Variants in PCDHA3 observed in about 807,000 individuals in gnomAD.
PCDHA3 encodes protocadherin alpha-3.
In PCDHA3, 41 loss-of-function variants were observed where a neutral mutation model predicts 62.2. That is an observed-to-expected ratio of 0.66 (90% confidence interval 0.51 to 0.86). PCDHA3 has a LOEUF of 0.86. Ranked by LOEUF, PCDHA3 falls within the 40% of genes least tolerant of loss-of-function variation. The probability of loss-of-function intolerance (pLI) is 0.00; values close to 1 mark genes in which losing one functional copy is unlikely to be tolerated. For missense variants in PCDHA3, 1,304 were observed against 1,241.2 expected, an observed-to-expected ratio of 1.05 and a Z score of -0.76; for synonymous variants, 640 against 555.4, an observed-to-expected ratio of 1.15 and a Z score of -2.14.
At chr5:140,843,404 G>C (rs2150359308) in intron 1 of PCDHA3, 2 of 1,596,130 alleles carry the variant, frequency 1.3e-6, no homozygotes, top group Admixed American at 3.4e-5. Context: ...GGCGCTGGTG[G>C]ATGTCAACGT....
rs535420158 is a variant in PCDHA3, at chr5:140,966,438, T to TC, written c.2395-12508dup. Reference sequence around the variant, plus strand: ...AGGACTTGCTGAGCCCTCCTACCGCTCCCTTTCCCCCTCCCCCTCTGTCTT... The same window carrying TC: ...AGGACTTGCTGAGCCCTCCTACCGCTCCCCTTTCCCCCTCCCCCTCTGTCTT... On this transcript the variant is annotated intron_variant, in intron 1 of 3. Transcript: ENST00000522353. 1.4e-5 allele frequency: 6 copies of TC among 422,688 alleles called. No homozygotes were observed. The East Asian group carries it at 1.4e-4, about 10-fold the overall frequency. 26.2% of individuals were successfully genotyped at this position (422,688 alleles called of 1,614,324 possible).
At chr5:140,910,276 A>G (rs1461426502) in intron 1 of PCDHA3, among the ~76,000 whole-genome samples, 2 of 152,124 alleles carry the variant, frequency 1.3e-5, no homozygotes, top group African/African-American at 4.8e-5. Flanking sequence ...ACTTCTAGGA[A>G]CACCATGATT....
chr5:140,967,287 A>G (rs1458692984), intron 1 of PCDHA3: 1 of 1,612,826 alleles, frequency 6.2e-7, no homozygotes, highest in Non-Finnish European at 8.5e-7. Flanking sequence ...AGTGCGCAGG[A>G]CCCCGACGTG....
At chr5:140,810,286 T>C (rs574497208) in intron 1 of PCDHA3, 28 of 152,374 alleles carry the variant, frequency 1.8e-4, no homozygotes, top group African/African-American at 6.0e-4. Flanking sequence ...AATAATGCCA[T>C]CATAAATATA....
In PCDHA3 at chr5:140,823,360, C is replaced by T. The variant is rs1470640408; in HGVS notation, c.2394+19769C>T. 9.9e-6 allele frequency: 16 copies of T among 1,612,570 alleles called. No homozygotes were observed. The African/African-American group carries it at 1.7e-4, about 17-fold the overall frequency. The stretch of plus-strand genomic sequence containing the variant: ...GCCGCTGGACCACGAGGAAGTGGAG[C>T]TGCTGCAGTTCCAGGTGAGCGCGCG... On this transcript the variant is annotated intron_variant, in intron 1 of 3. Coordinates refer to ENST00000522353, the MANE Select transcript of PCDHA3 (RefSeq NM_018906.3).
intron 1 of PCDHA3, among the ~76,000 whole-genome samples, chr5:140,832,446 A>G (rs2150201698): frequency 1.3e-5 from 2 of 152,202 alleles, no homozygotes; most frequent in Non-Finnish European, 2.9e-5. Flanking sequence ...TAAGCGTGTA[A>G]TTAATATTGC....
intron 1 of PCDHA3, among the ~76,000 whole-genome samples, chr5:140,899,991 G>C (rs2067668603): frequency 6.6e-6 from 1 of 151,712 alleles, no homozygotes; most frequent in African/African-American, 2.4e-5. Context: ...GATTTTTTTT[G>C]TAGAGATGAG....
At chr5:140,842,962 C>G (rs1554139576) in intron 1 of PCDHA3, 1 of 1,594,950 alleles carries the variant, frequency 6.3e-7, no homozygotes, top group African/African-American at 1.3e-5. Context: ...CTCTGGGCAG[C>G]AACGTGACGC....
intron 1 of PCDHA3, among the ~76,000 whole-genome samples, chr5:140,908,736 A>G (rs2074127705): frequency 6.6e-6 from 1 of 152,180 alleles, no homozygotes; most frequent in African/African-American, 2.4e-5. Flanking sequence ...GGCTCGAGAA[A>G]CAGAGCAACT....
At chr5:140,820,300 A>G (rs2150106496) in intron 1 of PCDHA3, among the ~76,000 whole-genome samples, 151,637 of 152,098 alleles carry the variant, frequency 1, 75,590 homozygotes, top group East Asian at 1. Context: ...AAACAATTCT[A>G]TGACAATATC....
chr5:140,819,435 T>A (rs2150104218), intron 1 of PCDHA3, among the ~76,000 whole-genome samples: 1 of 152,270 alleles, frequency 6.6e-6, no homozygotes, highest in South Asian at 2.1e-4. Context: ...CAGTTTTAAA[T>A]CTAAATTTTT....
At chr5:140,942,364 A>AT (rs1401660324) in intron 1 of PCDHA3, among the ~76,000 whole-genome samples, 1 of 152,040 alleles carries the variant, frequency 6.6e-6, no homozygotes, top group Non-Finnish European at 1.5e-5. Context: ...GTTAACGGAG[A>AT]TTGCACCACT....
chr5:140,870,242 T>A (rs1554163936), intron 1 of PCDHA3: 1 of 1,614,142 alleles, frequency 6.2e-7, no homozygotes, highest in East Asian at 2.2e-5. Flanking sequence ...GACTCAGGTG[T>A]CAACGGACAG....
chr5:140,967,740 A>G, intron 1 of PCDHA3: 6 of 1,614,170 alleles, frequency 3.7e-6, no homozygotes, highest in Non-Finnish European at 5.1e-6. Flanking sequence ...GGGCTGGATT[A>G]TGAGGAAGCC....
chr5:140,890,646 C>A (rs1332050034), intron 1 of PCDHA3, among the ~76,000 whole-genome samples: 4 of 152,082 alleles, frequency 2.6e-5, no homozygotes, highest in African/African-American at 9.7e-5. Flanking sequence ...CTTGATATAT[C>A]AAAATCAAAA....
intron 1 of PCDHA3, among the ~76,000 whole-genome samples, chr5:140,919,535 ACTTTT>A (rs1310340464): frequency 1.3e-5 from 2 of 151,732 alleles, no homozygotes; most frequent in Non-Finnish European, 2.9e-5. Flanking sequence ...TTTTTCCTAT[ACTTTT>A]CATTTACTGA....
chr5:140,801,148 T>C lies in PCDHA3; in HGVS notation c.-50T>C. On this transcript the variant is annotated 5_prime_UTR_variant, in exon 1 of 4. The change abolishes the stop of an existing upstream ORF in the 5' untranslated region. Transcript: ENST00000522353. ...GAAGATAAGGAACTCGAATTATTTT[T>C]AAACTTTGGATCAATGTAAAGGCAA... 1.3e-6 allele frequency: 2 copies of C among 1,529,694 alleles called. 1 individual carries two copies. Among genetic ancestry groups the C allele is most frequent in the Non-Finnish European group, 1.8e-6 (2 of 1,142,296 alleles). The allele number at this position is 1,529,694 out of a possible 1,614,324, so 94.8% of individuals were successfully genotyped here. A position where few individuals can be genotyped will look rare whatever the true frequency, so the allele number is the denominator to read the frequency against.
chr5:140,893,294 T>C (rs539821362), intron 1 of PCDHA3, among the ~76,000 whole-genome samples: 97 of 152,304 alleles, frequency 6.4e-4, no homozygotes, highest in African/African-American at 2.3e-3. Flanking sequence ...ATATGGTAGT[T>C]CTATTTGTAG....
rs189790601 is a variant in PCDHA3 at position 140,875,550 on chromosome 5, G to A, written c.2394+71959G>A. ...TTCTGCTCCTTGCAGCCTGGGAGGTGGGGAGCGGCCAGCTCCACTACTCCG... is the reference window on the plus strand; with the variant it reads ...TTCTGCTCCTTGCAGCCTGGGAGGTAGGGAGCGGCCAGCTCCACTACTCCG... On this transcript the variant is annotated intron_variant, in intron 1 of 3. Transcript: ENST00000522353. 51 of 1,614,134 alleles carry A rather than the reference G, an allele frequency of 3.2e-5. No homozygotes were observed. In the African/African-American group the frequency reaches 5.7e-4, roughly 18 times the overall value.
Sources: allele counts gnomAD v4.1 joint callset (sites outside exome capture counted in the v4.1 genomes callset), GRCh38; gene constraint gnomAD v4.1.1; transcripts MANE v1.5; gene names NCBI Gene and HGNC (gene_info 2026-07-23, HGNC 2026-07-21).